KIAA1217: variants seen among roughly 807,000 people sequenced by gnomAD.
The protein encoded by KIAA1217 is sickle tail protein homolog.
In KIAA1217, 88 loss-of-function variants were observed where a neutral mutation model predicts 163.9. The observed-to-expected ratio is 0.54, with a 90% CI of 0.45 to 0.64. The LOEUF is 0.64. KIAA1217 is among the 30% of genes least tolerant of loss of function. The pLI is 0.00. For missense variants in KIAA1217, 2,372 were observed against 2,475.0 expected, an observed-to-expected ratio of 0.96 and a Z score of 0.88; for synonymous variants, 903 against 923.1, an observed-to-expected ratio of 0.98 and a Z score of 0.39.
Position 24,323,294 on chromosome 10 carries a change from A to T in KIAA1217, c.355-57575A>T, listed in dbSNP as rs186297363. Among the ~76,000 whole-genome samples, 5 of 152,218 alleles carry T rather than the reference A, an allele frequency of 3.3e-5. No homozygotes were observed. The East Asian group carries it at 9.7e-4, about 29-fold the overall frequency. ...CTGGACTTGTTACTCCTGGCCCAGG[A>T]GTATGTTGTTAAACACTGGATTAAT... On this transcript the variant is annotated intron_variant, in intron 2 of 20. Coordinates refer to ENST00000376454, the MANE Select transcript of KIAA1217 (RefSeq NM_019590.5).
chr10:23,895,522 G>A lies in KIAA1217; in HGVS notation c.-320-111703G>A, dbSNP rs11013776. 8.2e-3 allele frequency among the ~76,000 whole-genome samples: 1,247 copies of A among 152,208 alleles called. 20 individuals are homozygous for A. Among genetic ancestry groups the A allele is most frequent in the African/African-American group, 0.029 (1,197 of 41,538 alleles). On this transcript the variant is annotated intron_variant, in intron 1 of 18. Coordinates refer to the KIAA1217 transcript ENST00000376462. ...GTACTGGAGAGGATGTGGAGAAATA[G>A]GAACACTTTTACACTGTTGGTGGAC...
At chr10:24,448,234 C>T (rs114196907) in intron 5 of KIAA1217, among the ~76,000 whole-genome samples, 10 of 148,204 alleles carry the variant, frequency 6.7e-5, no homozygotes, top group African/African-American at 2.0e-4. Context: ...AGTTATCTAA[C>T]CTTTTTTTGC....
At chr10:24,330,751 A>G (rs1237958503) in intron 2 of KIAA1217, among the ~76,000 whole-genome samples, 1 of 151,226 alleles carries the variant, frequency 6.6e-6, no homozygotes, top group Admixed American at 6.6e-5. Context: ...AGTAGCTGGG[A>G]CTACAGGTGC....
intron 3 of KIAA1217, among the ~76,000 whole-genome samples, chr10:24,412,445 A>G (rs1205776092): frequency 6.6e-6 from 1 of 152,222 alleles, no homozygotes; most frequent in Non-Finnish European, 1.5e-5. Flanking sequence ...TCTTGGACCC[A>G]TCCATTGATG....
intron 1 of KIAA1217, among the ~76,000 whole-genome samples, chr10:23,905,859 G>C (rs929393487): frequency 6.6e-6 from 1 of 152,154 alleles, no homozygotes; most frequent in Non-Finnish European, 1.5e-5. Context: ...CACTGTCTTA[G>C]TCCATTTGTG....
At chr10:23,783,363 A>T (rs142220796) in intron 1 of KIAA1217, among the ~76,000 whole-genome samples, 2 of 152,182 alleles carry the variant, frequency 1.3e-5, no homozygotes, top group Non-Finnish European at 2.9e-5. Context: ...CATATATTAC[A>T]TTGATTTATT....
At chr10:23,900,187 G>A (rs1237533339) in intron 1 of KIAA1217, among the ~76,000 whole-genome samples, 1 of 151,814 alleles carries the variant, frequency 6.6e-6, no homozygotes, top group Non-Finnish European at 1.5e-5. Flanking sequence ...TGTATTTTTA[G>A]TAGAGATGAG....
intron 5 of KIAA1217, among the ~76,000 whole-genome samples, chr10:24,445,772 G>A (rs1282944715): frequency 6.6e-6 from 1 of 151,986 alleles, no homozygotes; most frequent in South Asian, 2.1e-4. Context: ...TCTTAATCCA[G>A]TCTATCCTTG....
chr10:24,125,768 G>T (rs1345736060), intron 2 of KIAA1217, among the ~76,000 whole-genome samples: 1 of 151,994 alleles, frequency 6.6e-6, no homozygotes, highest in Admixed American at 6.6e-5. Flanking sequence ...AGTTTTCAAG[G>T]ATATTAGTAA....
chr10:23,990,766 C>A (rs2131437186), intron 1 of KIAA1217, among the ~76,000 whole-genome samples: 2 of 152,206 alleles, frequency 1.3e-5, no homozygotes, highest in Admixed American at 1.3e-4. Context: ...AATTGCTGCA[C>A]TATGACATCT....
At chr10:23,872,727 A>G (rs1023832601) in intron 1 of KIAA1217, among the ~76,000 whole-genome samples, 1 of 152,132 alleles carries the variant, frequency 6.6e-6, no homozygotes, top group African/African-American at 2.4e-5. Flanking sequence ...CATCTTGGAA[A>G]AACAAGCTAA....
At chr10:24,161,951 T>A (rs926858083) in intron 2 of KIAA1217, among the ~76,000 whole-genome samples, 3 of 152,186 alleles carry the variant, frequency 2.0e-5, no homozygotes, top group Non-Finnish European at 2.9e-5. Context: ...ATGAATCTGA[T>A]GAGCTCAAAC....
intron 2 of KIAA1217, among the ~76,000 whole-genome samples, chr10:24,263,541 T>C (rs905534030): frequency 6.6e-6 from 1 of 152,216 alleles, no homozygotes; most frequent in Non-Finnish European, 1.5e-5. Flanking sequence ...CTGTCTCATC[T>C]TGACTCCAAG....
intron 2 of KIAA1217, among the ~76,000 whole-genome samples, chr10:24,264,793 CTCTCTCTCTCATTCTCTCTT>C (rs1423438367): frequency 3.3e-5 from 5 of 149,466 alleles, no homozygotes; most frequent in African/African-American, 1.3e-4. Flanking sequence ...CTCTCTCTCT[CTCTCTCTCTCATTCTCTCTT>C]TCTCTCTCTC....
At chr10:23,748,533 G>T in intron 1 of KIAA1217, among the ~76,000 whole-genome samples, 1 of 137,138 alleles carries the variant, frequency 7.3e-6, no homozygotes, top group African/African-American at 2.9e-5. Context: ...GAAGGAGAGG[G>T]GAGGGGAGGA....
At chr10:24,417,689 A>C (rs1010098587) in intron 3 of KIAA1217, among the ~76,000 whole-genome samples, 2 of 152,124 alleles carry the variant, frequency 1.3e-5, no homozygotes, top group Admixed American at 1.3e-4. Context: ...GAAAAGGAAG[A>C]GGTGGGAAGA....
At chr10:24,015,763 A>C in intron 2 of KIAA1217, among the ~76,000 whole-genome samples, 1 of 151,764 alleles carries the variant, frequency 6.6e-6, no homozygotes, top group East Asian at 1.9e-4. Context: ...TCAAAAAAAA[A>C]AAAAGAAAAA....
At chr10:23,833,828 C>A (rs1838326207) in intron 1 of KIAA1217, among the ~76,000 whole-genome samples, 1 of 151,956 alleles carries the variant, frequency 6.6e-6, no homozygotes, top group South Asian at 2.1e-4. Flanking sequence ...ACCTCTCAGT[C>A]TGTGCCCTTT....
chr10:24,035,002 C>T (rs1046936473), intron 2 of KIAA1217, among the ~76,000 whole-genome samples: 3 of 152,178 alleles, frequency 2.0e-5, no homozygotes, highest in East Asian at 1.9e-4. Context: ...CCCAGGTCAC[C>T]GCTGTGACTG....
Sources: gnomAD v4.1 joint callset for allele counts (sites outside exome capture counted in the v4.1 genomes callset) on GRCh38, gnomAD v4.1.1 for gene constraint, MANE v1.5 for transcripts, NCBI Gene and HGNC (gene_info 2026-07-23, HGNC 2026-07-21) for gene names.